The following ZFAT variants were observed in gnomAD, a reference collection of about 807,000 sequenced individuals.
ZFAT encodes the protein zinc finger protein ZFAT.
In ZFAT, 64 loss-of-function variants were observed where a neutral mutation model predicts 117.7. That is an observed-to-expected ratio of 0.54 (90% CI 0.44 to 0.67). The LOEUF (loss-of-function observed/expected upper bound fraction) is 0.67, where lower values mean the gene tolerates loss of function less well. Among genes scored for constraint, ZFAT ranks in the 30% least tolerant of loss-of-function variants. The probability of loss-of-function intolerance (pLI) is 0.00; values close to 1 mark genes in which losing one functional copy is unlikely to be tolerated. For synonymous variants in ZFAT, 679 were observed against 615.0 expected, an observed-to-expected ratio of 1.10 and a Z score of -1.54; for missense variants, 1,433 against 1,584.5, an observed-to-expected ratio of 0.90 and a Z score of 1.62.
At chr8:134,823,118 T>C in the ZFAT span, among the ~76,000 whole-genome samples, 45 of 152,282 alleles carry the variant, frequency 3.0e-4, no homozygotes, top group African/African-American at 1.0e-3. Context: ...GGGAACTCAA[T>C]GATAAGCTCA....
chr8:134,756,076 G>C, the ZFAT span, among the ~76,000 whole-genome samples: 1 of 150,354 alleles, frequency 6.7e-6, no homozygotes, highest in East Asian at 2.0e-4. Context: ...CTTCCTGTAG[G>C]GCTCTTTCCC....
chr8:134,562,201 G>A (rs1305297020), intron 11 of ZFAT, among the ~76,000 whole-genome samples: 1 of 152,158 alleles, frequency 6.6e-6, no homozygotes, highest in Non-Finnish European at 1.5e-5. Context: ...CAGGTCGCGT[G>A]TAGAAGCCAG....
intron 4 of ZFAT, 96 bp from the exon 5 acceptor site, chr8:134,608,975 C>T: frequency 7.1e-7 from 1 of 1,407,816 alleles, no homozygotes; most frequent in East Asian, 2.5e-5. Flanking sequence ...AAGTCTATTT[C>T]TATACTGTCT....
chr8:134,585,851 T>C (rs927363901), intron 9 of ZFAT, among the ~76,000 whole-genome samples: 3 of 152,214 alleles, frequency 2.0e-5, no homozygotes, highest in African/African-American at 7.2e-5. Flanking sequence ...GCTTGACTAT[T>C]AGGAAACCTT....
At chr8:134,819,628 C>G in the ZFAT span, among the ~76,000 whole-genome samples, 1 of 151,822 alleles carries the variant, frequency 6.6e-6, no homozygotes, top group Non-Finnish European at 1.5e-5. Flanking sequence ...TTTCTGGGCT[C>G]CTATTCCACT....
chr8:134,674,224 G>C (rs544843454), intron 1 of ZFAT, among the ~76,000 whole-genome samples: 1 of 152,320 alleles, frequency 6.6e-6, no homozygotes, highest in East Asian at 1.9e-4. Context: ...CGGGAGGAAT[G>C]GTGCATTCCA....
the ZFAT span, among the ~76,000 whole-genome samples, chr8:134,762,067 G>A: frequency 5.3e-5 from 8 of 150,868 alleles, no homozygotes; most frequent in Non-Finnish European, 8.8e-5. Flanking sequence ...TCTCAAATAC[G>A]TTTAAGGCCT....
intron 10 of ZFAT, among the ~76,000 whole-genome samples, chr8:134,571,484 T>G (rs1044108613): frequency 1.3e-5 from 2 of 152,216 alleles, no homozygotes; most frequent in African/African-American, 2.4e-5. Context: ...CTGCAACCAA[T>G]ATGAGTTTCT....
intron 2 of ZFAT, among the ~76,000 whole-genome samples, chr8:134,647,656 T>A (rs1376743725): frequency 6.6e-6 from 1 of 152,202 alleles, no homozygotes; most frequent in Non-Finnish European, 1.5e-5. Context: ...AGCTTTTGGA[T>A]AATGTATAAA....
intron 3 of ZFAT, among the ~76,000 whole-genome samples, chr8:134,635,636 T>TCAGGGAGAGAGGGAGAGAGAGAGAGAGA (rs1232723936): frequency 1.3e-4 from 15 of 116,824 alleles, no homozygotes; most frequent in Admixed American, 1.1e-3. Context: ...AGAGAGAGAG[T>TCAGGGAGAGAGGGAGAGAGAGAGAGAGA]CAGGGAGAGA....
At chr8:134,605,142 A>T (rs1464969294) in intron 5 of ZFAT, among the ~76,000 whole-genome samples, 1 of 152,214 alleles carries the variant, frequency 6.6e-6, no homozygotes, top group Admixed American at 6.5e-5. Flanking sequence ...AGTCCAAGTC[A>T]TTGACTGTGA....
At chr8:134,687,745 T>C (rs970239825) in intron 1 of ZFAT, among the ~76,000 whole-genome samples, 6 of 152,184 alleles carry the variant, frequency 3.9e-5, no homozygotes, top group African/African-American at 1.4e-4. Flanking sequence ...TCTGTGGTCA[T>C]TTCCACATCA....
At chr8:134,691,287 G>C (rs1359945199) in intron 1 of ZFAT, among the ~76,000 whole-genome samples, 2 of 152,252 alleles carry the variant, frequency 1.3e-5, no homozygotes, top group Non-Finnish European at 2.9e-5. Context: ...CTATCCAGTG[G>C]CCCTGGGTCT....
rs190741092 is a variant in ZFAT, at chr8:134,553,981, G to T, written c.2976+11352C>A. 6.2e-3 allele frequency among the ~76,000 whole-genome samples: 949 copies of T among 152,246 alleles called. 12 individuals are homozygous for T. The highest frequency in any genetic ancestry group is 0.022 in the African/African-American group (894 of 41,530). On this transcript the variant is annotated intron_variant, in intron 11 of 15. Coordinates refer to ENST00000377838, the MANE Select transcript of ZFAT (RefSeq NM_020863.4). ...CCTGCACACTGTTGTTTCTCTCATG[G>T]GGACAGTCCCAAGGGTCCATGAATC... is the stretch of plus-strand genomic sequence containing the variant.
At chr8:134,734,706 G>A in the ZFAT span, among the ~76,000 whole-genome samples, 1 of 152,164 alleles carries the variant, frequency 6.6e-6, no homozygotes, top group African/African-American at 2.4e-5. Flanking sequence ...TGCAGGAACT[G>A]GACCAGAGGG....
intron 1 of ZFAT, among the ~76,000 whole-genome samples, chr8:134,711,875 C>G (rs541104917): frequency 3.3e-5 from 5 of 152,280 alleles, no homozygotes; most frequent in Admixed American, 3.3e-4. Flanking sequence ...GTAGGACACG[C>G]TACTTCCTTC....
the ZFAT span, among the ~76,000 whole-genome samples, chr8:134,813,789 G>A: frequency 6.0e-5 from 8 of 132,566 alleles, no homozygotes; most frequent in Non-Finnish European, 9.5e-5. Context: ...AAGGTATGCC[G>A]TTTTGATTTT....
rs537609755 is a variant in ZFAT, at chr8:134,519,070, G to A, written c.3234+1813C>T. On this transcript the variant is annotated intron_variant, in intron 13 of 15. Transcript: ENST00000377838. The stretch of plus-strand genomic sequence containing the variant: ...ATATCTGGTAGGATTCTCCTCTTAT[G>A]GTTGTTATTCCCAAGGGTTTCCTAG... 5.3e-5 allele frequency among the ~76,000 whole-genome samples: 8 copies of A among 152,158 alleles called. No individual in the cohort carries two copies. In the South Asian group the frequency reaches 1.7e-3, roughly 32 times the overall value.
At chr8:134,503,612 T>C (rs1479195883) in intron 15 of ZFAT, among the ~76,000 whole-genome samples, 3 of 152,166 alleles carry the variant, frequency 2.0e-5, no homozygotes, top group East Asian at 1.9e-4. Context: ...ATAAAGCAAA[T>C]GGCCCTCCCT....
Sources: gnomAD v4.1 joint callset for allele counts (sites outside exome capture counted in the v4.1 genomes callset) on GRCh38, gnomAD v4.1.1 for gene constraint, MANE v1.5 for transcripts, NCBI Gene and HGNC (gene_info 2026-07-23, HGNC 2026-07-21) for gene names.